The following GRIK1 variants were observed in gnomAD, a reference collection of about 807,000 sequenced individuals.
The protein encoded by GRIK1 is glutamate receptor ionotropic, kainate 1.
GRIK1 carries 69 observed loss-of-function variants against 105.7 expected under a neutral mutation model. The ratio of observed to expected loss-of-function variants is 0.65; its 90% confidence interval spans 0.54 to 0.80. The LOEUF is 0.80. Ranked by LOEUF, GRIK1 falls within the 30% of genes least tolerant of loss-of-function variation. GRIK1 has a pLI of 0.00. For synonymous variants in GRIK1, 438 were observed against 431.3 expected, an observed-to-expected ratio of 1.02 and a Z score of -0.19; for missense variants, 1,109 against 1,167.3, an observed-to-expected ratio of 0.95 and a Z score of 0.73.
rs534826370 is a variant in GRIK1 at position 29,688,219 on chromosome 21, G to A, written c.544+1509C>T. ...TATAAAATATATACCCACTCACTTA[G>A]AATCTTCAATTCTTTCTAAAATGAG... On this transcript the variant is annotated intron_variant, in intron 3 of 17. Coordinates refer to ENST00000327783, the MANE Select transcript of GRIK1 (RefSeq NM_001330994.2). Among the ~76,000 whole-genome samples, 7 of 152,202 alleles carry A rather than the reference G, an allele frequency of 4.6e-5. No homozygotes were observed. The South Asian group carries it at 1.2e-3, about 27-fold the overall frequency.
At position 29,939,589 on chromosome 21, in the gene GRIK1, C is replaced by A; in HGVS notation, c.-89G>T. On this transcript the variant is annotated 5_prime_UTR_variant, in exon 1 of 18. It adds an upstream start codon to the 5' untranslated region. Transcript: ENST00000327783. ...ACTTGGGCCGGGTCCCCGCCTCATCCTCTCTGGATGCTCCGGTTCCAAGCA... is the reference window on the plus strand; with the variant it reads ...ACTTGGGCCGGGTCCCCGCCTCATCATCTCTGGATGCTCCGGTTCCAAGCA... 2 of 754,290 alleles carry A rather than the reference C, an allele frequency of 2.7e-6. No individual in the cohort carries two copies. The highest frequency in any genetic ancestry group is 4.3e-6 in the Non-Finnish European group (2 of 470,406). 46.7% of individuals were successfully genotyped at this position (754,290 alleles called of 1,614,324 possible).
chr21:29,598,872 A>G lies in GRIK1; in HGVS notation c.1164T>C (p.Phe388=), dbSNP rs141656883. The G allele has an allele frequency of 1.6e-5, 26 of 1,593,348 alleles. No homozygotes were observed. In the African/African-American group the frequency reaches 3.0e-4, roughly 18 times the overall value. Residue 388 remains phenylalanine, a synonymous_variant, in exon 8 of 18, where the codon TTT becomes TTC. Transcript: ENST00000327783. ...CTTTGAGACTAATAATGTCCAGATC[A>G]AAATCCTTCCTCAAGCCATTGGTTT... is the stretch of plus-strand genomic sequence containing the variant. ...FNKTNGLRKD[F]DLDIISLKEE...
At chr21:29,873,989 C>T (rs1275515196) in intron 1 of GRIK1, among the ~76,000 whole-genome samples, 2 of 152,180 alleles carry the variant, frequency 1.3e-5, no homozygotes, top group African/African-American at 2.4e-5. Context: ...ATGTCCAATT[C>T]ACAATAGGGT....
intron 1 of GRIK1, among the ~76,000 whole-genome samples, chr21:29,814,752 T>C (rs1399306076): frequency 1.3e-5 from 2 of 152,102 alleles, no homozygotes; most frequent in African/African-American, 4.8e-5. Flanking sequence ...GAAATAGTGG[T>C]AAACCTGGAG....
At chr21:29,580,087 G>GTATATATGTATATATA (rs1568843509) in intron 13 of GRIK1, among the ~76,000 whole-genome samples, 1 of 143,990 alleles carries the variant, frequency 6.9e-6, no homozygotes, top group African/African-American at 2.6e-5. Flanking sequence ...GTATATGTGT[G>GTATATATGTATATATA]TGTATATATA....
At chr21:29,672,641 C>T (rs1267485966) in intron 4 of GRIK1, among the ~76,000 whole-genome samples, 3 of 152,024 alleles carry the variant, frequency 2.0e-5, no homozygotes, top group Non-Finnish European at 4.4e-5. Context: ...TGAAATCTGG[C>T]ACAGTCTTTT....
chr21:29,642,717 C>G, intron 7 of GRIK1, 109 bp downstream of exon 7: 1 of 904,966 alleles, frequency 1.1e-6, no homozygotes, highest in Non-Finnish European at 1.7e-6. Context: ...ATGGCTTCCT[C>G]TCTCTTAGGG....
chr21:29,556,086 C>G (rs1475220276), intron 15 of GRIK1, among the ~76,000 whole-genome samples: 3 of 152,182 alleles, frequency 2.0e-5, no homozygotes, highest in African/African-American at 7.2e-5. Flanking sequence ...AGAGAGTGTA[C>G]CCTTGCATGC....
intron 7 of GRIK1, among the ~76,000 whole-genome samples, chr21:29,601,524 C>T (rs898699691): frequency 6.6e-6 from 1 of 152,204 alleles, no homozygotes; most frequent in Admixed American, 6.5e-5. Flanking sequence ...ACCACCGCTC[C>T]CCTATGCACA....
At chr21:29,870,333 A>G in intron 1 of GRIK1, among the ~76,000 whole-genome samples, 1 of 152,108 alleles carries the variant, frequency 6.6e-6, no homozygotes, top group Middle Eastern at 3.2e-3. Context: ...ATTAGGCCCA[A>G]CAGCAGGAAC....
At chr21:29,607,940 A>G (rs1274401329) in intron 7 of GRIK1, among the ~76,000 whole-genome samples, 1 of 152,186 alleles carries the variant, frequency 6.6e-6, no homozygotes, top group Non-Finnish European at 1.5e-5. Context: ...ATCAGTTGAC[A>G]TGGAATTTCC....
chr21:29,756,107 C>T (rs756651047), intron 1 of GRIK1, among the ~76,000 whole-genome samples: 5 of 152,172 alleles, frequency 3.3e-5, no homozygotes, highest in East Asian at 1.9e-4. Context: ...ACGGGCCGGG[C>T]GCGGTGGCTC....
At chr21:29,638,206 A>C (rs754420703) in intron 7 of GRIK1, among the ~76,000 whole-genome samples, 6 of 152,012 alleles carry the variant, frequency 3.9e-5, no homozygotes, top group Non-Finnish European at 5.9e-5. Flanking sequence ...ACAGTTCTGC[A>C]TGGCTGGGGA....
At chr21:29,573,773 C>T (rs929919531) in intron 14 of GRIK1, among the ~76,000 whole-genome samples, 3 of 151,008 alleles carry the variant, frequency 2.0e-5, no homozygotes, top group African/African-American at 7.3e-5. Context: ...CGCTTGAACC[C>T]GGGAGGAGGA....
intron 1 of GRIK1, among the ~76,000 whole-genome samples, chr21:29,810,391 A>T (rs929708718): frequency 2.0e-5 from 3 of 149,380 alleles, no homozygotes; most frequent in African/African-American, 7.4e-5. Context: ...CAGAGATACA[A>T]AGTGAGCACA....
chr21:29,861,130 A>G (rs1375176047), intron 1 of GRIK1, among the ~76,000 whole-genome samples: 2 of 150,998 alleles, frequency 1.3e-5, no homozygotes, highest in South Asian at 2.2e-4. Context: ...AGATAGTTTT[A>G]TGTCTTCCAA....
intron 6 of GRIK1, among the ~76,000 whole-genome samples, 168 bp from the exon 7 acceptor site, chr21:29,643,137 A>C (rs1284872394): frequency 6.6e-6 from 1 of 152,210 alleles, no homozygotes; most frequent in African/African-American, 2.4e-5. Flanking sequence ...TCTCCAAAAT[A>C]ATACCTCACA....
chr21:29,644,761 T>A (rs544152416), intron 6 of GRIK1, among the ~76,000 whole-genome samples: 33 of 152,196 alleles, frequency 2.2e-4, no homozygotes, highest in Non-Finnish European at 3.7e-4. Context: ...CTAATTCTGT[T>A]TAATTGGAGG....
At chr21:29,892,953 C>G (rs2069957747) in intron 1 of GRIK1, among the ~76,000 whole-genome samples, 1 of 152,182 alleles carries the variant, frequency 6.6e-6, no homozygotes, top group Non-Finnish European at 1.5e-5. Flanking sequence ...GCGGGTGGAT[C>G]ACCCGAGGTC....
Sources: gnomAD v4.1 joint callset for allele counts (sites outside exome capture counted in the v4.1 genomes callset) on GRCh38, gnomAD v4.1.1 for gene constraint, MANE v1.5 for transcripts, NCBI Gene and HGNC (gene_info 2026-07-23, HGNC 2026-07-21) for gene names.